RBMS3: variants seen among roughly 807,000 people sequenced by gnomAD.
RBMS3 encodes RNA-binding motif, single-stranded-interacting protein 3.
A neutral mutation model predicts 66.8 loss-of-function variants in RBMS3; 27 were observed. The observed-to-expected ratio is 0.40, with a 90% CI of 0.30 to 0.56. RBMS3 has a LOEUF of 0.56. Ranked by LOEUF, RBMS3 falls within the 20% of genes least tolerant of loss-of-function variation. RBMS3 has a pLI of 0.40. For missense variants in RBMS3, 513 were observed against 549.5 expected (o/e 0.93, Z 0.66); for synonymous variants, 188 against 183.0 (o/e 1.03, Z -0.22).
chr3:29,583,898 GAC>G (rs145032982), intron 3 of RBMS3, among the ~76,000 whole-genome samples: 4 of 150,896 alleles, frequency 2.7e-5, no homozygotes, highest in African/African-American at 4.9e-5. Context: ...GTGGGAAATA[GAC>G]ACACACACAC....
chr3:29,343,589 T>A (rs1470208850), intron 1 of RBMS3, among the ~76,000 whole-genome samples: 4 of 151,900 alleles, frequency 2.6e-5, no homozygotes, highest in African/African-American at 4.8e-5. Flanking sequence ...GAAAAAAAAA[T>A]GTTCCTAACT....
intron 1 of RBMS3, among the ~76,000 whole-genome samples, chr3:29,295,998 G>C (rs1464062702): frequency 6.6e-6 from 1 of 151,722 alleles, no homozygotes; most frequent in Non-Finnish European, 1.5e-5. Flanking sequence ...TTTGATGACA[G>C]GATTGTACTC....
chr3:29,979,807 TGCCACATTTTCTTTATCCA>T (rs377162593), intron 12 of RBMS3, among the ~76,000 whole-genome samples: 20 of 152,258 alleles, frequency 1.3e-4, no homozygotes, highest in African/African-American at 4.1e-4. Flanking sequence ...GGTGTATATG[TGCCACATTTTCTTTATCCA>T]GTCTATCATT....
At chr3:29,520,504 A>G (rs772350982) in intron 3 of RBMS3, among the ~76,000 whole-genome samples, 24 of 152,174 alleles carry the variant, frequency 1.6e-4, no homozygotes, top group South Asian at 8.3e-4. Flanking sequence ...TCAGTGAGTT[A>G]AATATACACC....
intron 14 of RBMS3, 30 bp downstream of exon 14, chr3:29,991,239 CT>C (rs1698856425): frequency 6.2e-7 from 1 of 1,613,602 alleles, no homozygotes; most frequent in Admixed American, 1.7e-5. Flanking sequence ...AGCTCTTTTC[CT>C]CAAGATCAGC....
At chr3:29,339,962 A>G (rs1313985108) in intron 1 of RBMS3, among the ~76,000 whole-genome samples, 1 of 152,114 alleles carries the variant, frequency 6.6e-6, no homozygotes, top group African/African-American at 2.4e-5. Context: ...ACCTAAGGAG[A>G]TGGCTGCCAA....
intron 12 of RBMS3, among the ~76,000 whole-genome samples, chr3:29,964,259 T>C (rs896681792): frequency 1.3e-5 from 2 of 152,192 alleles, no homozygotes; most frequent in East Asian, 3.8e-4. Flanking sequence ...ATGTGAAATT[T>C]AGTTTTAAAA....
chr3:29,329,456 A>G (rs1225773419), intron 1 of RBMS3, among the ~76,000 whole-genome samples: 2 of 152,246 alleles, frequency 1.3e-5, no homozygotes, highest in African/African-American at 2.4e-5. Context: ...CAATTGATAT[A>G]CAATAAAAGC....
intron 10 of RBMS3, among the ~76,000 whole-genome samples, chr3:29,923,790 AAT>A (rs149176130): frequency 0.028 from 4,222 of 152,252 alleles, 191 homozygotes; most frequent in African/African-American, 0.095. Context: ...GTAATATAAA[AAT>A]GCTATGTCAC....
chr3:29,359,830 G>A (rs2037456733), intron 1 of RBMS3, among the ~76,000 whole-genome samples: 1 of 152,180 alleles, frequency 6.6e-6, no homozygotes, highest in Non-Finnish European at 1.5e-5. Flanking sequence ...TAGTTTATTT[G>A]CGTAGAGGTG....
At chr3:29,296,142 A>G (rs2033246663) in intron 1 of RBMS3, among the ~76,000 whole-genome samples, 1 of 151,720 alleles carries the variant, frequency 6.6e-6, no homozygotes, top group Non-Finnish European at 1.5e-5. Flanking sequence ...GGGGTCAGCA[A>G]TTCTAGGATC....
At chr3:29,913,420 A>G (rs915617923) in intron 10 of RBMS3, among the ~76,000 whole-genome samples, 1 of 151,998 alleles carries the variant, frequency 6.6e-6, no homozygotes, top group African/African-American at 2.4e-5. Context: ...CTGTTTATGC[A>G]TAATATTTTA....
chr3:29,670,303 T>A (rs566004483), intron 4 of RBMS3, among the ~76,000 whole-genome samples: 2 of 152,162 alleles, frequency 1.3e-5, no homozygotes, highest in Admixed American at 1.3e-4. Flanking sequence ...GAAGGCCAAA[T>A]AGGAAGAGCT....
chr3:29,348,024 C>T (rs943143599), intron 1 of RBMS3, among the ~76,000 whole-genome samples: 4 of 152,086 alleles, frequency 2.6e-5, no homozygotes, highest in African/African-American at 7.2e-5. Context: ...TGTAGGGTCT[C>T]TTTATCAATA....
chr3:29,530,135 C>T (rs929132613), intron 3 of RBMS3, among the ~76,000 whole-genome samples: 1 of 152,186 alleles, frequency 6.6e-6, no homozygotes, highest in African/African-American at 2.4e-5. Context: ...TACCCCAATA[C>T]TCATCTAAGC....
intron 1 of RBMS3, among the ~76,000 whole-genome samples, chr3:29,341,012 A>G (rs986414847): frequency 2.0e-5 from 3 of 152,072 alleles, no homozygotes; most frequent in African/African-American, 7.2e-5. Flanking sequence ...TATCATTATC[A>G]TAAGCGCCAT....
intron 4 of RBMS3, among the ~76,000 whole-genome samples, chr3:29,680,337 T>C (rs1309925081): frequency 6.6e-6 from 1 of 152,242 alleles, no homozygotes; most frequent in Non-Finnish European, 1.5e-5. Flanking sequence ...TTGGGTCCCA[T>C]TCTATTCTCT....
At chr3:29,802,834 A>G (rs1358509035) in intron 6 of RBMS3, among the ~76,000 whole-genome samples, 1 of 152,180 alleles carries the variant, frequency 6.6e-6, no homozygotes, top group Non-Finnish European at 1.5e-5. Context: ...TAGTTGTAAC[A>G]TTTATAAAAT....
chr3:29,411,887 A>G (rs1011438444), intron 1 of RBMS3, among the ~76,000 whole-genome samples: 1 of 152,250 alleles, frequency 6.6e-6, no homozygotes, highest in African/African-American at 2.4e-5. Flanking sequence ...AAAGAAACTC[A>G]TATGAATGCC....
Sources: allele counts gnomAD v4.1 joint callset (sites outside exome capture counted in the v4.1 genomes callset), GRCh38; gene constraint gnomAD v4.1.1; transcripts MANE v1.5; gene names NCBI Gene and HGNC (gene_info 2026-07-23, HGNC 2026-07-21).